The following TMEM263 variants were observed in gnomAD, a reference collection of about 807,000 sequenced individuals.
The protein encoded by TMEM263 is UPF0444 transmembrane protein C12orf23.
Under a neutral mutation model 8.6 loss-of-function variants are expected in TMEM263, and 5 were observed. That is an observed-to-expected ratio of 0.58 (90% CI 0.31 to 1.23). The LOEUF (loss-of-function observed/expected upper bound fraction) is 1.23. Ranked by LOEUF, TMEM263 falls within the 50% of genes most tolerant of loss-of-function variation. The pLI is 0.07. For missense variants in TMEM263, 104 were observed against 138.8 expected, an observed-to-expected ratio of 0.75 and a Z score of 1.26; for synonymous variants, 50 against 47.9, an observed-to-expected ratio of 1.04 and a Z score of -0.18.
intron 2 of TMEM263, among the ~76,000 whole-genome samples, chr12:106,959,687 G>A (rs2136757886): frequency 6.6e-6 from 1 of 152,284 alleles, no homozygotes; most frequent in Middle Eastern, 3.4e-3. Context: ...TAATAAGCAG[G>A]ATAGTAATAT....
intron 1 of TMEM263, among the ~76,000 whole-genome samples, chr12:106,956,528 C>T (rs1478386694): frequency 6.6e-6 from 1 of 152,176 alleles, no homozygotes; most frequent in Non-Finnish European, 1.5e-5. Flanking sequence ...CCCCATAGCT[C>T]TTCCTGGGTA....
rs758654588 is a variant in TMEM263 at position 106,971,119 on chromosome 12, C to A, written c.79C>A (p.His27Asn). ...DEPPEGSMKD[H>N]PQQQPGMLSR... ...TCTCTCATTAGGTTCAATGAAAGAT[C>A]ACCCACAGCAGCAGCCAGGCATGTT... The change falls in exon 4 of 4, where the codon CAC (histidine) becomes AAC (asparagine). Residue 27 changes from histidine to asparagine, a missense_variant. By Grantham distance (68) the His-to-Asn change is moderately conservative. Coordinates refer to ENST00000280756, the MANE Select transcript of TMEM263 (RefSeq NM_152261.4). The A allele has an allele frequency of 1.2e-6, 2 of 1,613,900 alleles. No individual in the cohort carries two copies. The highest frequency in any genetic ancestry group is 1.7e-6 in the Non-Finnish European group (2 of 1,179,906).
rs1370497981 is a variant in TMEM263 at position 106,971,241 on chromosome 12, G to A, written c.201G>A (p.Val67=). 2.5e-6 allele frequency: 4 copies of A among 1,614,080 alleles called. No homozygotes were observed. Among genetic ancestry groups the A allele is most frequent in the African/African-American group, 2.7e-5 (2 of 74,932 alleles). ...VAWIGGKSLE[V]TKTAVTTVPS... ...GGATTGGTGGAAAGAGTCTGGAAGT[G>A]ACCAAAACAGCTGTTACAACTGTGC... The change falls in exon 4 of 4, where the codon GTG becomes GTA. Residue 67 remains valine, a synonymous_variant. Coordinates refer to ENST00000280756, the MANE Select transcript of TMEM263 (RefSeq NM_152261.4).
chr12:106,965,662 T>A (rs961967688), intron 2 of TMEM263, among the ~76,000 whole-genome samples: 1 of 151,854 alleles, frequency 6.6e-6, no homozygotes, highest in Non-Finnish European at 1.5e-5. Context: ...CATCCATCCC[T>A]TTTTCTCCAT....
At chr12:106,964,445 A>G (rs1457282344) in intron 2 of TMEM263, among the ~76,000 whole-genome samples, 2 of 152,358 alleles carry the variant, frequency 1.3e-5, no homozygotes, top group East Asian at 3.9e-4. Context: ...GAAAACATAA[A>G]TGTGAATGGT....
At chr12:106,957,742 A>C (rs780561952) in intron 2 of TMEM263, among the ~76,000 whole-genome samples, 3 of 152,188 alleles carry the variant, frequency 2.0e-5, no homozygotes, top group Non-Finnish European at 4.4e-5. Flanking sequence ...ACCCTTAAAA[A>C]TTGCCATTTT....
chr12:106,961,201 G>A (rs1951771256), intron 2 of TMEM263, among the ~76,000 whole-genome samples: 1 of 146,650 alleles, frequency 6.8e-6, no homozygotes, highest in Non-Finnish European at 1.5e-5. Flanking sequence ...GGGACTACAG[G>A]CGTGCACCAC....
intron 2 of TMEM263, among the ~76,000 whole-genome samples, chr12:106,965,805 A>G (rs1473649797): frequency 6.6e-6 from 1 of 151,784 alleles, no homozygotes; most frequent in Non-Finnish European, 1.5e-5. Flanking sequence ...ATACATATAT[A>G]TATATTTTAT....
At chr12:106,970,139 A>G (rs1213050334) in intron 3 of TMEM263, among the ~76,000 whole-genome samples, 1 of 152,182 alleles carries the variant, frequency 6.6e-6, no homozygotes, top group Non-Finnish European at 1.5e-5. Context: ...TTTACATAGT[A>G]TTAGCTCTTT....
chr12:106,969,797 T>C (rs1951896350), intron 3 of TMEM263, among the ~76,000 whole-genome samples: 1 of 151,928 alleles, frequency 6.6e-6, no homozygotes, highest in Non-Finnish European at 1.5e-5. Flanking sequence ...TTTAAGCTAG[T>C]GCAAATTTTT....
chr12:106,971,355 G>T lies in TMEM263; in HGVS notation c.315G>T (p.Val105=), dbSNP rs768687789. The T allele has an allele frequency of 6.2e-6, 10 of 1,612,356 alleles. No individual in the cohort carries two copies. Among genetic ancestry groups the T allele is most frequent in the Non-Finnish European group, 5.9e-6 (7 of 1,178,938 alleles). The change falls in exon 4 of 4, where the codon GTG becomes GTT. Residue 105 remains valine (V), a synonymous_variant. Transcript: ENST00000280756. ...TAVGSAVVNK[V]PLTGKKKDKS... ...TTGGGTCTGCTGTTGTAAACAAAGTGCCCTTAACAGGAAAGAAGAAAGACA... is the reference window on the plus strand; with the variant it reads ...TTGGGTCTGCTGTTGTAAACAAAGTTCCCTTAACAGGAAAGAAGAAAGACA...
rs1448650908 is a variant in TMEM263, at chr12:106,973,797, A to C, written c.*2406A>C. ...CATCTGTTATTCAGCTTATCCTTTGAGTGGGTATTTGGCACAATGAGGATA... is the reference window on the plus strand; with the variant it reads ...CATCTGTTATTCAGCTTATCCTTTGCGTGGGTATTTGGCACAATGAGGATA... On this transcript the variant is annotated 3_prime_UTR_variant, in exon 4 of 4. Transcript: ENST00000280756. The C allele has an allele frequency of 6.6e-6, 1 of 152,654 alleles. No individual in the cohort carries two copies. Among genetic ancestry groups the C allele is most frequent in the East Asian group, 1.9e-4 (1 of 5,202 alleles). The allele number at this position is 152,654 out of a possible 1,614,324, so 9.5% of individuals were successfully genotyped here.
chr12:106,968,499 GA>G lies in TMEM263; in HGVS notation c.64+1323del, dbSNP rs550342718. ...TTTAGGTCTGGAACCATGGAGTTTT[GA>G]AAAGTTAGGGCTCAGTGAGAAAGTT... On this transcript the variant is annotated intron_variant, in intron 3 of 3. Coordinates refer to ENST00000280756, the MANE Select transcript of TMEM263 (RefSeq NM_152261.4). Among the ~76,000 whole-genome samples the G allele has an allele frequency of 2.1e-3, 313 of 152,220 alleles. 1 individual carries two copies. The highest frequency in any genetic ancestry group is 3.4e-3 in the Non-Finnish European group (233 of 68,008).
At chr12:106,970,991 T>A in intron 3 of TMEM263, 114 bp from the exon 4 acceptor site, 1 of 1,075,360 alleles carries the variant, frequency 9.3e-7, no homozygotes, top group African/African-American at 1.6e-5. Context: ...GTGGTTGGCC[T>A]TATCAAATCA....
intron 2 of TMEM263, among the ~76,000 whole-genome samples, chr12:106,963,753 A>T (rs1951809590): frequency 2.6e-5 from 4 of 152,224 alleles, no homozygotes; most frequent in Admixed American, 2.6e-4. Context: ...ATAAAGCAGA[A>T]CTAATTTTTA....
At chr12:106,969,725 CAA>C (rs61146766) in intron 3 of TMEM263, among the ~76,000 whole-genome samples, 39 of 93,034 alleles carry the variant, frequency 4.2e-4, no homozygotes, top group Admixed American at 7.2e-4. Flanking sequence ...GACTCTGTCT[CAA>C]AAAAAAAAAA....
intron 2 of TMEM263, among the ~76,000 whole-genome samples, chr12:106,958,594 C>G (rs914374383): frequency 2.2e-4 from 34 of 152,140 alleles, no homozygotes; most frequent in Admixed American, 6.5e-4. Context: ...AACAAAGAAG[C>G]CTTTCATATG....
intron 2 of TMEM263, among the ~76,000 whole-genome samples, chr12:106,962,609 G>A (rs182283007): frequency 1.3e-5 from 2 of 152,224 alleles, no homozygotes; most frequent in African/African-American, 2.4e-5. Context: ...ACTTCAAACC[G>A]CTCTTAGAAC....
chr12:106,971,536 A>G lies in TMEM263; in HGVS notation c.*145A>G, dbSNP rs1226822842. ...AAGTATTGATGACTGGCTTTCATCT[A>G]AAAAGAAGAGACCAATACGAGCACA... is the stretch of plus-strand genomic sequence containing the variant. On this transcript the variant is annotated 3_prime_UTR_variant, in exon 4 of 4. Coordinates refer to ENST00000280756, the MANE Select transcript of TMEM263 (RefSeq NM_152261.4). 5 of 845,132 alleles carry G rather than the reference A, an allele frequency of 5.9e-6. No homozygotes were observed. Among genetic ancestry groups the G allele is most frequent in the African/African-American group, 1.7e-5 (1 of 58,558 alleles). 52.4% of individuals were successfully genotyped at this position (845,132 alleles called of 1,614,324 possible). A position where few individuals can be genotyped will look rare whatever the true frequency, so the allele number is the denominator to read the frequency against.
Sources: gnomAD v4.1 joint callset for allele counts (sites outside exome capture counted in the v4.1 genomes callset) on GRCh38, gnomAD v4.1.1 for gene constraint, MANE v1.5 for transcripts, NCBI Gene and HGNC (gene_info 2026-07-23, HGNC 2026-07-21) for gene names.